Variants in ANK2 observed in about 807,000 individuals in gnomAD.
ANK2 encodes the protein ankyrin 2.
ANK2 carries 83 observed loss-of-function variants against 360.5 expected under a neutral mutation model. The ratio of observed to expected loss-of-function variants is 0.23; its 90% CI spans 0.19 to 0.28. The LOEUF (loss-of-function observed/expected upper bound fraction) is 0.28, where lower values mean the gene tolerates loss of function less well. Ranked by LOEUF, ANK2 falls within the 10% of genes least tolerant of loss-of-function variation. The pLI, the probability that ANK2 is intolerant of heterozygous loss-of-function variation, is 1.00. For synonymous variants in ANK2, 1,740 were observed against 1,759.5 expected, an observed-to-expected ratio of 0.99 and a Z score of 0.28; for missense variants, 4,201 against 4,795.7, an observed-to-expected ratio of 0.88 and a Z score of 3.66.
chr4:113,065,290 T>G (rs1442635918), intron 1 of ANK2, among the ~76,000 whole-genome samples: 1 of 152,220 alleles, frequency 6.6e-6, no homozygotes, highest in Non-Finnish European at 1.5e-5. Context: ...TCTCAAATTC[T>G]ACAGGAACAT....
upstream of ANK2, among the ~76,000 whole-genome samples, chr4:113,046,500 T>A (rs1362016013): frequency 6.6e-6 from 1 of 152,020 alleles, no homozygotes; most frequent in Non-Finnish European, 1.5e-5. Context: ...GTGAATGGGA[T>A]AAGTGGCCTT....
At chr4:113,342,311 G>A (rs1194949021) in intron 33 of ANK2, among the ~76,000 whole-genome samples, 1 of 152,170 alleles carries the variant, frequency 6.6e-6, no homozygotes, top group Non-Finnish European at 1.5e-5. Flanking sequence ...GGTGTCTAGT[G>A]CTTTTCTACA....
chr4:113,153,512 A>G (rs17045692), intron 1 of ANK2, among the ~76,000 whole-genome samples: 10,690 of 152,248 alleles, frequency 0.07, 601 homozygotes, highest in African/African-American at 0.15. Context: ...ACAATTTTAT[A>G]TTAGTAAGGT....
intron 1 of ANK2, among the ~76,000 whole-genome samples, chr4:113,075,686 G>C (rs1172199751): frequency 6.6e-6 from 1 of 152,176 alleles, no homozygotes; most frequent in Non-Finnish European, 1.5e-5. Context: ...GTAACAGTAA[G>C]TAATGATTCA....
intron 2 of ANK2, among the ~76,000 whole-genome samples, chr4:113,032,590 A>G (rs552180379): frequency 6.6e-6 from 1 of 152,160 alleles, no homozygotes; most frequent in Admixed American, 6.6e-5. Flanking sequence ...TCACTTAGCA[A>G]TGAGTAAGTC....
chr4:113,319,308 T>G (rs555571701), intron 26 of ANK2, among the ~76,000 whole-genome samples: 13 of 152,098 alleles, frequency 8.5e-5, no homozygotes, highest in African/African-American at 3.1e-4. Flanking sequence ...GAATATAAAT[T>G]CTTTAAGGAG....
At chr4:112,810,279 G>T in the ANK2 span, among the ~76,000 whole-genome samples, 1 of 150,046 alleles carries the variant, frequency 6.7e-6, no homozygotes, top group Non-Finnish European at 1.5e-5. Context: ...TAGGATTATA[G>T]GTGTGAACCA....
chr4:113,233,665 G>A (rs2099348376), intron 5 of ANK2, among the ~76,000 whole-genome samples: 1 of 151,988 alleles, frequency 6.6e-6, no homozygotes, highest in Admixed American at 6.5e-5. Flanking sequence ...AGTCCCTTTG[G>A]GAGAAAACTT....
chr4:113,267,565 T>C lies in ANK2; in HGVS notation c.1485+2570T>C, dbSNP rs182194774. ...GTCAAAGATCAGATGGTTGTAGATG[T>C]GTGGCATTTTTTCTGAGGCCTCTGT... On this transcript the variant is annotated intron_variant, in intron 14 of 45. Coordinates refer to ENST00000357077, the MANE Select transcript of ANK2 (RefSeq NM_001148.6). 2.6e-5 allele frequency among the ~76,000 whole-genome samples: 4 copies of C among 152,344 alleles called. No homozygotes were observed. The East Asian group carries it at 7.7e-4, about 29-fold the overall frequency.
intron 7 of ANK2, among the ~76,000 whole-genome samples, chr4:113,237,944 A>G (rs1435257709): frequency 6.6e-6 from 1 of 152,206 alleles, no homozygotes; most frequent in African/African-American, 2.4e-5. Context: ...TATTTCCTTA[A>G]TGAGAATTCT....
chr4:113,067,081 T>G (rs2075891013), intron 1 of ANK2, among the ~76,000 whole-genome samples: 1 of 152,038 alleles, frequency 6.6e-6, no homozygotes, highest in Non-Finnish European at 1.5e-5. Flanking sequence ...TTGGACTTTA[T>G]GCTATGTAGC....
At chr4:113,099,308 G>A (rs11723690) in intron 1 of ANK2, among the ~76,000 whole-genome samples, 46,679 of 151,632 alleles carry the variant, frequency 0.31, 7,743 homozygotes, top group Non-Finnish European at 0.39. Flanking sequence ...GATGATAGCA[G>A]GATCACAGGA....
Position 113,336,650 on chromosome 4 carries a change from T to C in ANK2, c.3665T>C (p.Leu1222Ser). 1.9e-6 allele frequency: 3 copies of C among 1,614,172 alleles called. No homozygotes were observed. The change falls in exon 31 of 46, where the codon TTG (leucine) becomes TCG (serine). Residue 1222 changes from leucine to serine, a missense_variant. Leu to Ser is a moderately radical substitution (Grantham distance 145). Around this residue, in one of 4 missense-constraint regions of ANK2, gnomAD observed 1,268 missense variants for 1,650.8 expected, o/e 0.77. Coordinates refer to ENST00000357077, the MANE Select transcript of ANK2 (RefSeq NM_001148.6). ...NKATFSPIVTLEPRRRKFHKP... is the reference protein window; with the variant it reads ...NKATFSPIVTSEPRRRKFHKP... ...GCTACCTTCAGCCCTATAGTCACTT[T>C]GGAACCTAGAAGAAGAAAATTCCAC...
chr4:113,027,106 C>G (rs1482236780), intron 2 of ANK2, among the ~76,000 whole-genome samples: 1 of 152,086 alleles, frequency 6.6e-6, no homozygotes, highest in Non-Finnish European at 1.5e-5. Context: ...GGTGATACAT[C>G]CTCTTCATTG....
At chr4:112,750,603 C>T in the ANK2 span, among the ~76,000 whole-genome samples, 623 of 152,102 alleles carry the variant, frequency 4.1e-3, 4 homozygotes, top group African/African-American at 0.014. Context: ...GAATGAGAGG[C>T]GAGTCCCTTG....
chr4:113,139,564 G>A (rs542590431), intron 1 of ANK2, among the ~76,000 whole-genome samples: 1 of 152,196 alleles, frequency 6.6e-6, no homozygotes, highest in Non-Finnish European at 1.5e-5. Flanking sequence ...GGAGTGCACA[G>A]TGACTAAATT....
At chr4:113,061,973 A>T (rs1401103366) in intron 1 of ANK2, among the ~76,000 whole-genome samples, 5 of 152,096 alleles carry the variant, frequency 3.3e-5, no homozygotes, top group Admixed American at 2.6e-4. Context: ...ACCCATAAAC[A>T]TATACACTTA....
chr4:112,753,975 G>A, the ANK2 span, among the ~76,000 whole-genome samples: 1 of 151,636 alleles, frequency 6.6e-6, no homozygotes, highest in Non-Finnish European at 1.5e-5. Flanking sequence ...GCACATGCCT[G>A]TAATCCCAGC....
At chr4:113,154,493 A>C (rs952805612) in intron 1 of ANK2, among the ~76,000 whole-genome samples, 6 of 152,234 alleles carry the variant, frequency 3.9e-5, no homozygotes, top group African/African-American at 1.4e-4. Context: ...GCTGAATCCC[A>C]CACTCCTGCT....
Sources: gnomAD v4.1 joint callset for allele counts (sites outside exome capture counted in the v4.1 genomes callset) on GRCh38, gnomAD v4.1.1 for gene constraint, gnomAD v4.1.1 regional missense constraint, MANE v1.5 for transcripts, NCBI Gene and HGNC (gene_info 2026-07-23, HGNC 2026-07-21) for gene names.